Variants in FMN1 observed in about 807,000 individuals in gnomAD.
FMN1 encodes formin-1.
A neutral mutation model predicts 132.4 loss-of-function variants in FMN1; 110 were observed. The observed-to-expected ratio is 0.83, with a 90% CI of 0.71 to 0.97. The LOEUF is 0.97. Ranked by LOEUF, FMN1 falls within the 50% of genes least tolerant of loss-of-function variation. FMN1 has a pLI of 0.00. For missense variants in FMN1, 1,792 were observed against 1,705.3 expected (o/e 1.05, Z -0.90); for synonymous variants, 722 against 651.7 (o/e 1.11, Z -1.64).
At chr15:32,916,193 G>C (rs1482376277) in intron 10 of FMN1, among the ~76,000 whole-genome samples, 2 of 152,190 alleles carry the variant, frequency 1.3e-5, no homozygotes, top group African/African-American at 4.8e-5. Context: ...CAAGGGGTCA[G>C]GGTCTCATAC....
intron 10 of FMN1, among the ~76,000 whole-genome samples, chr15:32,914,602 A>T (rs528511839): frequency 6.6e-6 from 1 of 152,366 alleles, no homozygotes; most frequent in East Asian, 1.9e-4. Context: ...GGACAAAATT[A>T]TATTACACAC....
intron 7 of FMN1, among the ~76,000 whole-genome samples, chr15:32,990,261 C>T (rs1015998071): frequency 6.6e-6 from 1 of 152,048 alleles, no homozygotes. Flanking sequence ...ATTTGGCGTG[C>T]TGCAGAGGCA....
At chr15:33,015,155 C>T (rs1596473157) in intron 6 of FMN1, among the ~76,000 whole-genome samples, 1 of 152,330 alleles carries the variant, frequency 6.6e-6, no homozygotes. Flanking sequence ...TGTTTATTCC[C>T]TTGTTTTCGT....
chr15:33,082,995 G>C (rs895514836), intron 5 of FMN1, among the ~76,000 whole-genome samples: 6 of 152,104 alleles, frequency 3.9e-5, no homozygotes, highest in Admixed American at 3.9e-4. Flanking sequence ...GAGCTTTGTA[G>C]TTTGCCCATA....
chr15:33,128,193 C>CG (rs1483087932), intron 4 of FMN1, among the ~76,000 whole-genome samples: 6 of 151,984 alleles, frequency 3.9e-5, no homozygotes, highest in Admixed American at 2.6e-4. Flanking sequence ...AAATTGCTCC[C>CG]GGGAAAAAAA....
At chr15:33,007,275 A>T (rs1167634464) in intron 7 of FMN1, among the ~76,000 whole-genome samples, 1 of 152,208 alleles carries the variant, frequency 6.6e-6, no homozygotes, top group African/African-American at 2.4e-5. Flanking sequence ...ACATTAAATG[A>T]GGAAAAAATG....
chr15:32,914,264 C>T (rs1184590172), intron 10 of FMN1, among the ~76,000 whole-genome samples: 1 of 152,150 alleles, frequency 6.6e-6, no homozygotes, highest in African/African-American at 2.4e-5. Flanking sequence ...ACACTGAAAA[C>T]ACTAATCTAT....
intron 19 of FMN1, among the ~76,000 whole-genome samples, chr15:32,791,599 A>T (rs1402334483): frequency 6.6e-6 from 1 of 152,234 alleles, no homozygotes; most frequent in Non-Finnish European, 1.5e-5. Flanking sequence ...AGTTAGAAGG[A>T]TGTTTCAATA....
chr15:32,894,661 T>C (rs1166031334), intron 15 of FMN1, among the ~76,000 whole-genome samples: 3 of 152,014 alleles, frequency 2.0e-5, no homozygotes, highest in African/African-American at 7.2e-5. Flanking sequence ...AGGATGTTAA[T>C]AACGACCTCA....
At chr15:33,017,175 G>T (rs1313448010) in intron 6 of FMN1, among the ~76,000 whole-genome samples, 1 of 151,824 alleles carries the variant, frequency 6.6e-6, no homozygotes, top group Admixed American at 6.6e-5. Context: ...CTTGGGAGGA[G>T]GGAGGAATCA....
At chr15:32,955,622 A>G (rs541798195) in intron 9 of FMN1, among the ~76,000 whole-genome samples, 1 of 152,320 alleles carries the variant, frequency 6.6e-6, no homozygotes, top group Admixed American at 6.5e-5. Context: ...TATAGGCGAG[A>G]CTTCAAAACT....
intron 10 of FMN1, among the ~76,000 whole-genome samples, chr15:32,915,886 T>C (rs2140298717): frequency 1.3e-5 from 2 of 152,350 alleles, no homozygotes; most frequent in South Asian, 4.1e-4. Context: ...CAAAAGGAAG[T>C]AGACACACGC....
intron 6 of FMN1, among the ~76,000 whole-genome samples, chr15:33,031,946 TTA>T (rs948075350): frequency 4.5e-4 from 68 of 151,096 alleles, no homozygotes; most frequent in African/African-American, 1.4e-3. Context: ...TTTCACATTT[TTA>T]TGTCATGAAA....
chr15:33,067,170 C>G lies in FMN1; in HGVS notation c.2044-2096G>C, dbSNP rs973327269. 5 of 1,613,892 alleles carry G rather than the reference C, an allele frequency of 3.1e-6. No homozygotes were observed. In the African/African-American group the frequency reaches 6.7e-5, roughly 22 times the overall value. ...GTTACTGCAGGTAGGTCTTGGGACC[C>G]TTCTTCTCCCACCTGGTCCTGGCTG... On this transcript the variant is annotated intron_variant, in intron 5 of 20. Transcript: ENST00000616417.
At chr15:33,012,129 A>G (rs1389568927) in intron 6 of FMN1, 2 of 473,866 alleles carry the variant, frequency 4.2e-6, no homozygotes, top group South Asian at 2.1e-5. Context: ...ATGTCTGCAC[A>G]TCAGAGTCCC....
intron 3 of FMN1, among the ~76,000 whole-genome samples, chr15:33,168,421 C>T (rs1965191730): frequency 6.6e-6 from 1 of 152,146 alleles, no homozygotes; most frequent in South Asian, 2.1e-4. Context: ...ACAAAAAACA[C>T]ATAATGTTTG....
intron 6 of FMN1, among the ~76,000 whole-genome samples, chr15:33,039,813 T>G (rs191557935): frequency 6.6e-6 from 1 of 152,336 alleles, no homozygotes; most frequent in African/African-American, 2.4e-5. Context: ...TATCTGTTCA[T>G]AAGAAAATAG....
At chr15:33,167,120 T>A (rs1428435349) in intron 3 of FMN1, among the ~76,000 whole-genome samples, 1 of 152,212 alleles carries the variant, frequency 6.6e-6, no homozygotes, top group African/African-American at 2.4e-5. Flanking sequence ...CATTAGCCAA[T>A]GATATGGTTT....
chr15:33,122,177 G>GTT (rs1403194355), intron 4 of FMN1, among the ~76,000 whole-genome samples: 1 of 152,174 alleles, frequency 6.6e-6, no homozygotes, highest in African/African-American at 2.4e-5. Context: ...AATGTTCTTA[G>GTT]GTGAAACCTA....
Sources: gnomAD v4.1 joint callset for allele counts (sites outside exome capture counted in the v4.1 genomes callset) on GRCh38, gnomAD v4.1.1 for gene constraint, MANE v1.5 for transcripts, NCBI Gene and HGNC (gene_info 2026-07-23, HGNC 2026-07-21) for gene names.